The following LAIR1 variants were observed in gnomAD, a reference collection of about 807,000 sequenced individuals.
LAIR1 encodes the protein leukocyte-associated immunoglobulin-like receptor 1.
Under a neutral mutation model 32.8 loss-of-function variants are expected in LAIR1, and 24 were observed. The ratio of observed to expected loss-of-function variants is 0.73; its 90% CI spans 0.53 to 1.03. The LOEUF (loss-of-function observed/expected upper bound fraction) is 1.03. Among genes scored for constraint, LAIR1 ranks in the 50% least tolerant of loss-of-function variants. The pLI is 0.00. For synonymous variants in LAIR1, 150 were observed against 140.5 expected, an observed-to-expected ratio of 1.07 and a Z score of -0.48; for missense variants, 355 against 347.5, an observed-to-expected ratio of 1.02 and a Z score of -0.17.
upstream of LAIR1, among the ~76,000 whole-genome samples, chr19:54,369,058 CAG>C (rs1051377847): frequency 6.6e-6 from 1 of 150,520 alleles, no homozygotes; most frequent in Non-Finnish European, 1.5e-5. Context: ...TGCAGAGGTA[CAG>C]AGAGTTCCCA....
Position 54,354,003 on chromosome 19 carries a change from G to A in LAIR1, c.*1265C>T, listed in dbSNP as rs1309115052. 2 of 152,086 alleles carry A rather than the reference G, an allele frequency of 1.3e-5. No individual in the cohort carries two copies. Among genetic ancestry groups the A allele is most frequent in the East Asian group, 1.9e-4 (1 of 5,198 alleles). 9.4% of individuals were successfully genotyped at this position (152,086 alleles called of 1,614,324 possible). Reference sequence around the variant, plus strand: ...CCACCTCAGCCTCCCAAAGTGCTGGGATTACAGGCGTGAGCCTCCATGCCC... The same window carrying A: ...CCACCTCAGCCTCCCAAAGTGCTGGAATTACAGGCGTGAGCCTCCATGCCC... On this transcript the variant is annotated 3_prime_UTR_variant, in exon 10 of 10. Transcript: ENST00000391742.
chr19:54,366,977 G>A (rs1333120003), upstream of LAIR1, among the ~76,000 whole-genome samples: 1 of 152,180 alleles, frequency 6.6e-6, no homozygotes, highest in Non-Finnish European at 1.5e-5. Context: ...GTTTTCAGGG[G>A]AGGAATTCAA....
chr19:54,357,089 C>T, intron 4 of LAIR1, 123 bp from the exon 5 acceptor site: 1 of 840,044 alleles, frequency 1.2e-6, no homozygotes, highest in East Asian at 2.7e-5. Context: ...ACTGCTCCCT[C>T]TAGACCAGCA....
At chr19:54,373,471 A>G (rs2082454816), upstream of LAIR1, among the ~76,000 whole-genome samples, 1 of 152,132 alleles carries the variant, frequency 6.6e-6, no homozygotes, top group South Asian at 2.1e-4. Flanking sequence ...TAAAATAAAT[A>G]AGTCGATAGA....
At chr19:54,373,506 T>A (rs1431580085), upstream of LAIR1, among the ~76,000 whole-genome samples, 1 of 152,236 alleles carries the variant, frequency 6.6e-6, no homozygotes, top group Non-Finnish European at 1.5e-5. Flanking sequence ...TTACCTCTTA[T>A]ACGCTTGGTG....
At chr19:54,375,739 A>G in the LAIR1 span, among the ~76,000 whole-genome samples, 2 of 150,318 alleles carry the variant, frequency 1.3e-5, no homozygotes, top group Non-Finnish European at 2.9e-5. Flanking sequence ...TGTGTGAACG[A>G]AAACATACGT....
upstream of LAIR1, among the ~76,000 whole-genome samples, chr19:54,373,213 C>T (rs567671223): frequency 1.3e-4 from 19 of 151,040 alleles, no homozygotes; most frequent in East Asian, 9.8e-4. Flanking sequence ...GAGGCCAAGG[C>T]GGGCAGATCA....
upstream of LAIR1, among the ~76,000 whole-genome samples, chr19:54,372,491 C>CT (rs35628063): frequency 0.41 from 53,742 of 131,464 alleles, 11,976 homozygotes; most frequent in Middle Eastern, 0.52. Flanking sequence ...TTCTTTCTTT[C>CT]TTTTTTTTTT....
chr19:54,355,473 TG>T lies in LAIR1; in HGVS notation c.718-60del. On this transcript the variant is annotated intron_variant, in intron 9 of 9. Coordinates refer to ENST00000391742, the MANE Select transcript of LAIR1 (RefSeq NM_002287.6). The surrounding 1 kb of genome is among the most constrained non-coding windows in gnomAD (Gnocchi z 4.7). ...TGGTGGAGGGTGAGACGAGGGGCTGTGGGGAGGGAGGGCTGTGGCGGCCATC... is the reference window on the plus strand; with the variant it reads ...TGGTGGAGGGTGAGACGAGGGGCTGTGGGAGGGAGGGCTGTGGCGGCCATC... 6.7e-7 allele frequency: 1 copy of T among 1,482,324 alleles called. No homozygotes were observed. The highest frequency in any genetic ancestry group is 9.1e-7 in the Non-Finnish European group (1 of 1,103,512). 91.8% of individuals were successfully genotyped at this position (1,482,324 alleles called of 1,614,324 possible). A position where few individuals can be genotyped will look rare whatever the true frequency, so the allele number is the denominator to read the frequency against.
Position 54,353,978 on chromosome 19 carries a change from CCA to C in LAIR1, c.*1288_*1289del, listed in dbSNP as rs1480602943. 1 of 151,886 alleles carries C rather than the reference CCA, an allele frequency of 6.6e-6. No homozygotes were observed. The highest frequency in any genetic ancestry group is 6.6e-5 in the Admixed American group (1 of 15,208). 9.4% of individuals were successfully genotyped at this position (151,886 alleles called of 1,614,324 possible). A position where few individuals can be genotyped will look rare whatever the true frequency, so the allele number is the denominator to read the frequency against. ...TCGATCTCCTGACCTCGTGATCCGCCCACCTCAGCCTCCCAAAGTGCTGGGAT... is the reference window on the plus strand; with the variant it reads ...TCGATCTCCTGACCTCGTGATCCGCCCCTCAGCCTCCCAAAGTGCTGGGAT... On this transcript the variant is annotated 3_prime_UTR_variant, in exon 10 of 10. Transcript: ENST00000391742.
rs768064429 is a variant in LAIR1, at chr19:54,361,072, C to T, written c.208G>A (p.Asp70Asn). The T allele has an allele frequency of 6.2e-7, 1 of 1,614,222 alleles. No homozygotes were observed. Among genetic ancestry groups the T allele is most frequent in the South Asian group, 1.1e-5 (1 of 91,074 alleles). The part of the protein sequence containing the change: ...LERDSRSTYN[D>N]TEDVSQASPS... ...CTAGCTTGAGACACATCTTCAGTAT[C>T]ATTGTATGTGGATCTACTGTCCCTC... The change falls in exon 3 of 10, where the codon GAT becomes AAT. Residue 70 changes from aspartate (D) to asparagine (N), a missense_variant. By Grantham distance (23) the Asp-to-Asn change is conservative. Transcript: ENST00000391742.
intron 4 of LAIR1, chr19:54,357,958 G>C (rs1392876954): frequency 6.7e-6 from 1 of 149,626 alleles, no homozygotes; most frequent in Non-Finnish European, 1.5e-5. Context: ...CAATATTACA[G>C]TTTTTATATT....
chr19:54,365,573 C>G (rs1206694237), upstream of LAIR1, among the ~76,000 whole-genome samples: 1 of 152,112 alleles, frequency 6.6e-6, no homozygotes, highest in African/African-American at 2.4e-5. Flanking sequence ...GGTGGATCAC[C>G]TGAGGCCATA....
At chr19:54,374,477 G>A (rs1205631233), upstream of LAIR1, among the ~76,000 whole-genome samples, 10 of 152,064 alleles carry the variant, frequency 6.6e-5, no homozygotes, top group East Asian at 3.9e-4. Flanking sequence ...TCTCTGAACC[G>A]GGGGTGCAGA....
At chr19:54,363,605 A>G (rs2082123975) in intron 2 of LAIR1, among the ~76,000 whole-genome samples, 1 of 152,238 alleles carries the variant, frequency 6.6e-6, no homozygotes, top group African/African-American at 2.4e-5. Context: ...GCAATGGAAT[A>G]TTATTCAGCC....
chr19:54,359,268 G>C (rs1266588213), intron 4 of LAIR1, among the ~76,000 whole-genome samples: 1 of 151,854 alleles, frequency 6.6e-6, no homozygotes, highest in East Asian at 1.9e-4. Flanking sequence ...TTATGACCCC[G>C]TGTCCTCCCC....
intron 5 of LAIR1, 126 bp downstream of exon 5, chr19:54,356,802 T>A: frequency 7.7e-7 from 1 of 1,293,582 alleles, no homozygotes; most frequent in Non-Finnish European, 1.1e-6. Flanking sequence ...AGTGCTGGAG[T>A]CCTCTGCACA....
upstream of LAIR1, among the ~76,000 whole-genome samples, chr19:54,374,592 G>T (rs1412107474): frequency 6.6e-6 from 1 of 152,118 alleles, no homozygotes; most frequent in Non-Finnish European, 1.5e-5. Flanking sequence ...TTGCTGTTGT[G>T]GGTATGATGG....
upstream of LAIR1, among the ~76,000 whole-genome samples, chr19:54,373,165 T>G (rs1275649886): frequency 2.0e-5 from 3 of 149,828 alleles, no homozygotes; most frequent in East Asian, 5.9e-4. Context: ...AAGCCAGTCC[T>G]GGTGTGGTGG....
Sources: gnomAD v4.1 joint callset for allele counts (sites outside exome capture counted in the v4.1 genomes callset) on GRCh38, gnomAD v4.1.1 for gene constraint, Gnocchi (gnomAD v3.1) non-coding constraint, MANE v1.5 for transcripts, NCBI Gene and HGNC (gene_info 2026-07-23, HGNC 2026-07-21) for gene names.